Variants in SLC17A8 observed in about 807,000 individuals in gnomAD.
SLC17A8 encodes the protein solute carrier family 17 member 8.
A neutral mutation model predicts 58.0 loss-of-function variants in SLC17A8; 31 were observed. The observed-to-expected ratio is 0.53, with a 90% CI of 0.40 to 0.72. SLC17A8 has a LOEUF of 0.72. SLC17A8 is among the 30% of genes least tolerant of loss of function. The probability of loss-of-function intolerance (pLI) is 0.00; values close to 1 mark genes in which losing one functional copy is unlikely to be tolerated. For missense variants in SLC17A8, 655 were observed against 727.8 expected, an observed-to-expected ratio of 0.90 and a Z score of 1.15; for synonymous variants, 228 against 249.0, an observed-to-expected ratio of 0.92 and a Z score of 0.79.
At chr12:100,403,932 G>A in intron 8 of SLC17A8, 106 bp from the exon 9 acceptor site, 1 of 1,245,552 alleles carries the variant, frequency 8.0e-7, no homozygotes, top group Non-Finnish European at 1.2e-6. Context: ...GCTTAAATTT[G>A]GTGGTGGTAG....
intron 1 of SLC17A8, among the ~76,000 whole-genome samples, chr12:100,363,642 A>T (rs1952499379): frequency 6.6e-6 from 1 of 152,052 alleles, no homozygotes; most frequent in Non-Finnish European, 1.5e-5. Flanking sequence ...CTGGCGTTAC[A>T]GGTGCATAAC....
intron 1 of SLC17A8, among the ~76,000 whole-genome samples, chr12:100,358,234 A>G (rs2135964409): frequency 6.6e-6 from 1 of 152,340 alleles, no homozygotes; most frequent in East Asian, 1.9e-4. Flanking sequence ...ATGATTTCAT[A>G]AGTGGTCCTT....
intron 2 of SLC17A8, among the ~76,000 whole-genome samples, chr12:100,389,639 T>A (rs1197710281): frequency 6.6e-6 from 1 of 151,142 alleles, no homozygotes; most frequent in Non-Finnish European, 1.5e-5. Context: ...ATTAGATATA[T>A]GTATTTTTAG....
At chr12:100,364,291 C>T (rs1250869618) in intron 1 of SLC17A8, among the ~76,000 whole-genome samples, 1 of 152,158 alleles carries the variant, frequency 6.6e-6, no homozygotes, top group Non-Finnish European at 1.5e-5. Context: ...CAAACTCATA[C>T]ATGGAATATT....
chr12:100,391,050 CT>C lies in SLC17A8; in HGVS notation c.410del (p.Phe137SerfsTer6). The C allele has an allele frequency of 6.2e-7, 1 of 1,613,900 alleles. No individual in the cohort carries two copies. ...GAAACAGTGGGCCTTATCCATGGAT[CT>C]TTTTTCTGGGGCTATATTATGACAC... The part of the protein sequence containing the change: ...DPETVGLIHG[S>X]FFWGYIMTQI... On this transcript the variant is annotated frameshift_variant, in exon 3 of 12. Coordinates refer to ENST00000323346, the MANE Select transcript of SLC17A8 (RefSeq NM_139319.3). LOFTEE classifies it high-confidence loss of function.
At chr12:100,379,212 G>A (rs1049098498) in intron 1 of SLC17A8, among the ~76,000 whole-genome samples, 3 of 152,012 alleles carry the variant, frequency 2.0e-5, no homozygotes, top group African/African-American at 2.4e-5. Flanking sequence ...CAAGGTGGGC[G>A]GATCACGAGG....
rs145190556 is a variant in SLC17A8, at chr12:100,393,468, G to T, written c.573G>T (p.Leu191=). The T allele has an allele frequency of 1.6e-5, 26 of 1,612,292 alleles. No individual in the cohort carries two copies. The African/African-American group carries it at 2.9e-4, about 18-fold the overall frequency. The change falls in exon 4 of 12, where the codon CTG becomes CTT. Residue 191 remains leucine (L), a synonymous_variant. Transcript: ENST00000323346. ...HYGCVMCVRI[L]QGLVEGVTYP... ...GATGCGTCATGTGTGTCAGAATTCT[G>T]CAAGGTTTAGTGGAGGTAGGAGATA...
chr12:100,378,011 C>G (rs1952607098), intron 1 of SLC17A8, among the ~76,000 whole-genome samples: 1 of 152,080 alleles, frequency 6.6e-6, no homozygotes. Context: ...TAAGTTTAAG[C>G]TGCCTTTTAG....
chr12:100,366,396 G>A (rs1409878939), intron 1 of SLC17A8, among the ~76,000 whole-genome samples: 3 of 152,140 alleles, frequency 2.0e-5, no homozygotes, highest in Non-Finnish European at 4.4e-5. Flanking sequence ...ACTATGAGAC[G>A]ATCCTGTGCC....
At position 100,419,882 on chromosome 12, in the gene SLC17A8, A is replaced by G. The variant is rs1952934959; in HGVS notation, c.1493A>G (p.Tyr498Cys). The change falls in exon 12 of 12, where the codon TAT becomes TGT. Residue 498 changes from tyrosine to cysteine, a missense_variant. Tyr to Cys is a radical substitution (Grantham distance 194). Transcript: ENST00000323346. ...ALVHYSGVIF[Y>C]GVFASGEKQE... ...GTGCATTACAGTGGTGTGATCTTCT[A>G]TGGGGTCTTTGCTTCTGGGGAGAAA... 1.9e-6 allele frequency: 3 copies of G among 1,614,090 alleles called. No individual in the cohort carries two copies. The highest frequency in any genetic ancestry group is 1.3e-5 in the African/African-American group (1 of 75,046).
chr12:100,402,211 TC>T, intron 6 of SLC17A8, 128 bp from the exon 7 acceptor site: 1 of 1,035,650 alleles, frequency 9.7e-7, no homozygotes, highest in Non-Finnish European at 1.4e-6. Context: ...TCTGAGTCCC[TC>T]AAACCTTGTT....
At chr12:100,379,886 A>G (rs1412046634) in intron 1 of SLC17A8, among the ~76,000 whole-genome samples, 3 of 152,050 alleles carry the variant, frequency 2.0e-5, no homozygotes, top group African/African-American at 7.2e-5. Flanking sequence ...CTCCACCTCC[A>G]CTTAGTATTT....
At chr12:100,372,537 A>G (rs1257702886) in intron 1 of SLC17A8, among the ~76,000 whole-genome samples, 2 of 151,968 alleles carry the variant, frequency 1.3e-5, no homozygotes, top group African/African-American at 2.4e-5. Flanking sequence ...TCTTATAAGG[A>G]CATTATTCAT....
intron 5 of SLC17A8, among the ~76,000 whole-genome samples, chr12:100,400,998 C>CTTTTTTT (rs4015907): frequency 4.4e-5 from 5 of 113,066 alleles, no homozygotes; most frequent in Non-Finnish European, 7.0e-5. Flanking sequence ...CACCCCTCAC[C>CTTTTTTT]TTTTTTTTTT....
chr12:100,382,800 A>G (rs1264877910), intron 2 of SLC17A8, among the ~76,000 whole-genome samples: 1 of 152,246 alleles, frequency 6.6e-6, no homozygotes, highest in Non-Finnish European at 1.5e-5. Flanking sequence ...ATCATCTGGC[A>G]CAGTCTCCTG....
intron 9 of SLC17A8, among the ~76,000 whole-genome samples, chr12:100,406,409 G>A (rs1411068137): frequency 1.3e-5 from 2 of 152,284 alleles, no homozygotes; most frequent in African/African-American, 2.4e-5. Context: ...GCTGAGTGAC[G>A]GGAGACGGGA....
intron 1 of SLC17A8, among the ~76,000 whole-genome samples, chr12:100,366,075 T>TC (rs1952518925): frequency 1.1e-5 from 1 of 93,952 alleles, no homozygotes. Flanking sequence ...TTTTTTTTTT[T>TC]CAGGGGGTAG....
rs555305448 is a variant in SLC17A8, at chr12:100,402,761, C to T, written c.1053+16C>T. ...AATAAGTAAGGTAAACACACAGATGCTCCAAATATTTTTGAACTTTAAATC... is the reference window on the plus strand; with the variant it reads ...AATAAGTAAGGTAAACACACAGATGTTCCAAATATTTTTGAACTTTAAATC... On this transcript the variant is annotated intron_variant, in intron 8 of 11. Coordinates refer to ENST00000323346, the MANE Select transcript of SLC17A8 (RefSeq NM_139319.3). 2.5e-6 allele frequency: 4 copies of T among 1,605,350 alleles called. No homozygotes were observed. The highest frequency in any genetic ancestry group is 3.4e-5 in the Admixed American group (2 of 58,450).
intron 8 of SLC17A8, among the ~76,000 whole-genome samples, 187 bp downstream of exon 8, chr12:100,402,932 T>C (rs912550744): frequency 6.6e-6 from 1 of 152,254 alleles, no homozygotes; most frequent in Non-Finnish European, 1.5e-5. Flanking sequence ...TAATTTCTTC[T>C]TAGCAAGGAT....
Sources: allele counts gnomAD v4.1 joint callset (sites outside exome capture counted in the v4.1 genomes callset), GRCh38; gene constraint gnomAD v4.1.1; transcripts MANE v1.5; gene names NCBI Gene and HGNC (gene_info 2026-07-23, HGNC 2026-07-21).